MACROD2: variants seen among roughly 807,000 people sequenced by gnomAD.
MACROD2 encodes ADP-ribose glycohydrolase MACROD2.
MACROD2 carries 36 observed loss-of-function variants against 70.4 expected under a neutral mutation model. That is an observed-to-expected ratio of 0.51 (90% CI 0.39 to 0.68). MACROD2 has a LOEUF of 0.68. MACROD2 is among the 30% of genes least tolerant of loss of function. The pLI, the probability that MACROD2 is intolerant of heterozygous loss-of-function variation, is 0.00. For missense variants in MACROD2, 496 were observed against 538.4 expected (o/e 0.92, Z 0.78); for synonymous variants, 172 against 178.8 (o/e 0.96, Z 0.30).
intron 6 of MACROD2, among the ~76,000 whole-genome samples, chr20:15,372,202 AT>A (rs1303778436): frequency 6.6e-6 from 1 of 152,206 alleles, no homozygotes; most frequent in Non-Finnish European, 1.5e-5. Context: ...CTTTGCACAC[AT>A]TTTTAAGAGT....
At chr20:15,016,543 T>G (rs2075122847) in intron 5 of MACROD2, among the ~76,000 whole-genome samples, 1 of 152,074 alleles carries the variant, frequency 6.6e-6, no homozygotes, top group Admixed American at 6.5e-5. Context: ...AATGAGTGGG[T>G]TTTTGCTCTA....
At chr20:15,813,127 A>G (rs2063837282) in intron 8 of MACROD2, among the ~76,000 whole-genome samples, 1 of 152,108 alleles carries the variant, frequency 6.6e-6, no homozygotes, top group Admixed American at 6.6e-5. Flanking sequence ...AATCATTAGC[A>G]TGCACCAACC....
chr20:15,737,889 T>C (rs1568533283), intron 8 of MACROD2, among the ~76,000 whole-genome samples: 1 of 148,830 alleles, frequency 6.7e-6, no homozygotes, highest in Non-Finnish European at 1.5e-5. Flanking sequence ...GATGGATGGA[T>C]GATGAATGGA....
chr20:14,706,118 A>G lies in MACROD2; in HGVS notation c.418+21159A>G, dbSNP rs921329027. Among the ~76,000 whole-genome samples the G allele has an allele frequency of 3.3e-5, 5 of 152,190 alleles. No homozygotes were observed. The South Asian group carries it at 8.3e-4, about 25-fold the overall frequency. ...ATCATGAGGTCAAGAGATCGATACC[A>G]TCCTGGCCAACATGATGAAACCCCG... On this transcript the variant is annotated intron_variant, in intron 5 of 17. Transcript: ENST00000684519.
intron 8 of MACROD2, among the ~76,000 whole-genome samples, chr20:15,667,487 GTATCTA>G (rs972089379): frequency 3.7e-4 from 41 of 109,824 alleles, no homozygotes; most frequent in African/African-American, 1.1e-3. Context: ...ATGTATCTAT[GTATCTA>G]TCTATGTATC....
chr20:14,900,416 A>C (rs560743002), intron 5 of MACROD2, among the ~76,000 whole-genome samples: 23 of 152,262 alleles, frequency 1.5e-4, no homozygotes, highest in Admixed American at 1.4e-3. Flanking sequence ...AGTAGAATTC[A>C]CCAGTAGAAA....
intron 3 of MACROD2, among the ~76,000 whole-genome samples, chr20:14,412,100 A>G (rs1203582926): frequency 6.6e-6 from 1 of 152,168 alleles, no homozygotes. Flanking sequence ...TTTTAAGCTC[A>G]AATTGCATCC....
chr20:14,862,039 TTA>T (rs1284665446), intron 5 of MACROD2, among the ~76,000 whole-genome samples: 7 of 8,596 alleles, frequency 8.1e-4, no homozygotes, highest in South Asian at 5.9e-3. Flanking sequence ...TTATATATAT[TTA>T]TATATATATT....
chr20:15,077,196 T>A (rs2075664815), intron 5 of MACROD2, among the ~76,000 whole-genome samples: 1 of 151,914 alleles, frequency 6.6e-6, no homozygotes, highest in African/African-American at 2.4e-5. Flanking sequence ...AACTCCTTTT[T>A]TTGTTTGTTT....
At chr20:15,483,370 G>A (rs186807743) in intron 7 of MACROD2, among the ~76,000 whole-genome samples, 68 of 152,186 alleles carry the variant, frequency 4.5e-4, no homozygotes, top group Non-Finnish European at 8.8e-4. Flanking sequence ...CTATATTTAC[G>A]AGGGTCTATT....
At chr20:15,872,949 ATAACTTAATTTTAATAGACCCAAAGTTT>A (rs2064607099) in intron 9 of MACROD2, among the ~76,000 whole-genome samples, 1 of 152,154 alleles carries the variant, frequency 6.6e-6, no homozygotes, top group Non-Finnish European at 1.5e-5. Context: ...GAATTCTTCC[ATAACTTAATTTTAATAGACCCAAAGTTT>A]ACTCAAAACC....
chr20:14,282,637 G>C (rs1271633850), intron 3 of MACROD2, among the ~76,000 whole-genome samples: 1 of 152,192 alleles, frequency 6.6e-6, no homozygotes, highest in African/African-American at 2.4e-5. Flanking sequence ...ATTGGCTCAT[G>C]GTTCTGTAGG....
chr20:14,358,043 T>C (rs937215739), intron 3 of MACROD2, among the ~76,000 whole-genome samples: 1 of 152,222 alleles, frequency 6.6e-6, no homozygotes, highest in Non-Finnish European at 1.5e-5. Context: ...CTTCTCTTTC[T>C]TCCCATCAAA....
chr20:15,133,269 A>C (rs985727145), intron 5 of MACROD2, among the ~76,000 whole-genome samples: 1 of 152,094 alleles, frequency 6.6e-6, no homozygotes, highest in African/African-American at 2.4e-5. Context: ...AAGACTAATG[A>C]TAGACTGGAG....
At chr20:14,362,117 T>C (rs766146017) in intron 3 of MACROD2, among the ~76,000 whole-genome samples, 12 of 152,242 alleles carry the variant, frequency 7.9e-5, no homozygotes, top group Non-Finnish European at 1.6e-4. Flanking sequence ...AGTCCTAAGA[T>C]GTTACTCAGG....
At chr20:15,925,095 G>C (rs1457395565) in intron 10 of MACROD2, among the ~76,000 whole-genome samples, 2 of 152,170 alleles carry the variant, frequency 1.3e-5, no homozygotes, top group African/African-American at 2.4e-5. Context: ...TGGACACCAG[G>C]TTATGTGCAT....
In MACROD2 at chr20:16,004,231, C is replaced by T. The variant is rs1202544104; in HGVS notation, c.1153+17073C>T. ...GGAGATCAGCCACTTATAAGCCTCTCTTCCCGCATATGCCCTCTTTGTGGT... is the reference window on the plus strand; with the variant it reads ...GGAGATCAGCCACTTATAAGCCTCTTTTCCCGCATATGCCCTCTTTGTGGT... On this transcript the variant is annotated intron_variant, in intron 15 of 17. Transcript: ENST00000684519. Among the ~76,000 whole-genome samples the T allele has an allele frequency of 2.6e-5, 4 of 152,176 alleles. No homozygotes were observed. The East Asian group carries it at 5.8e-4, about 22-fold the overall frequency.
Position 15,886,607 on chromosome 20 carries a change from C to T in MACROD2, c.775+796C>T, listed in dbSNP as rs561366320. Among the ~76,000 whole-genome samples the T allele has an allele frequency of 2.0e-5, 3 of 152,146 alleles. No individual in the cohort carries two copies. In the East Asian group the frequency reaches 5.8e-4, roughly 29 times the overall value. ...TCATTATCAGAATTGAGATGCATGC[C>T]AACTCCTCAACAAAGCCCACTTGTT... On this transcript the variant is annotated intron_variant, in intron 10 of 17. Coordinates refer to ENST00000684519, the MANE Select transcript of MACROD2 (RefSeq NM_001351661.2).
chr20:15,752,205 C>CT lies in MACROD2; in HGVS notation c.646-110538dup, dbSNP rs755369521. ...CCTAGTTAATCTGAACTCAAAGCTG[C>CT]TTAGGTTATAGGTATTTTAGTATTT... On this transcript the variant is annotated intron_variant, in intron 8 of 17. Transcript: ENST00000684519. Among the ~76,000 whole-genome samples the CT allele has an allele frequency of 2.4e-4, 37 of 152,042 alleles. 1 individual carries two copies. The highest frequency in any genetic ancestry group is 6.6e-4 in the Admixed American group (10 of 15,244).
Sources: allele counts gnomAD v4.1 joint callset (sites outside exome capture counted in the v4.1 genomes callset), GRCh38; gene constraint gnomAD v4.1.1; transcripts MANE v1.5; gene names NCBI Gene and HGNC (gene_info 2026-07-23, HGNC 2026-07-21).